The following CHMP4C variants were observed in gnomAD, a reference collection of about 807,000 sequenced individuals.
CHMP4C encodes the protein charged multivesicular body protein 4C, also known as SNF7 homolog associated with Alix 3.
In CHMP4C, 28 loss-of-function variants were observed where a neutral mutation model predicts 29.0. That is an observed-to-expected ratio of 0.97 (90% CI 0.72 to 1.32). The LOEUF (loss-of-function observed/expected upper bound fraction) is 1.32, where lower values mean the gene tolerates loss of function less well. CHMP4C is among the 40% of genes most tolerant of loss of function. CHMP4C has a pLI of 0.00. For missense variants in CHMP4C, 291 were observed against 281.0 expected, an observed-to-expected ratio of 1.04 and a Z score of -0.25; for synonymous variants, 106 against 102.4, an observed-to-expected ratio of 1.04 and a Z score of -0.21.
chr8:81,737,868 C>A (rs940370388), intron 1 of CHMP4C, among the ~76,000 whole-genome samples: 8 of 152,190 alleles, frequency 5.3e-5, no homozygotes, highest in Admixed American at 5.2e-4. Context: ...CAGTTTTTGG[C>A]CAAATTTGGT....
chr8:81,751,014 A>C (rs1429188174), intron 1 of CHMP4C, among the ~76,000 whole-genome samples: 1 of 152,168 alleles, frequency 6.6e-6, no homozygotes, highest in Non-Finnish European at 1.5e-5. Context: ...TTTTATTATC[A>C]AACTTTTTAA....
chr8:81,736,354 T>C (rs1241264074), intron 1 of CHMP4C, among the ~76,000 whole-genome samples: 2 of 150,866 alleles, frequency 1.3e-5, no homozygotes, highest in Non-Finnish European at 2.9e-5. Flanking sequence ...ATAGGTGAGG[T>C]CTCCCTATGT....
At chr8:81,740,285 G>C (rs150891513) in intron 1 of CHMP4C, among the ~76,000 whole-genome samples, 66 of 152,320 alleles carry the variant, frequency 4.3e-4, no homozygotes, top group Middle Eastern at 6.8e-3. Flanking sequence ...GGCTGTTTGG[G>C]GGGTAGGGGG....
chr8:81,740,979 G>A (rs929234692), intron 1 of CHMP4C, among the ~76,000 whole-genome samples: 2 of 152,070 alleles, frequency 1.3e-5, no homozygotes, highest in African/African-American at 4.8e-5. Flanking sequence ...AAATTATTTT[G>A]GTATTTTTCA....
intron 1 of CHMP4C, among the ~76,000 whole-genome samples, chr8:81,745,447 C>A (rs1808810657): frequency 6.6e-6 from 1 of 152,144 alleles, no homozygotes; most frequent in African/African-American, 2.4e-5. Flanking sequence ...CATTTATCCA[C>A]CCCAAAGGAA....
chr8:81,744,129 T>C (rs1411310469), intron 1 of CHMP4C, among the ~76,000 whole-genome samples: 1 of 152,212 alleles, frequency 6.6e-6, no homozygotes, highest in Non-Finnish European at 1.5e-5. Context: ...TCTAGATTGC[T>C]ATTTACCCTC....
chr8:81,733,216 G>A (rs181002372), intron 1 of CHMP4C, among the ~76,000 whole-genome samples: 13 of 152,000 alleles, frequency 8.6e-5, no homozygotes, highest in African/African-American at 2.9e-4. Context: ...TTTTTATAAT[G>A]TGATGATTTG....
intron 1 of CHMP4C, among the ~76,000 whole-genome samples, chr8:81,749,457 G>T (rs1808869667): frequency 6.6e-6 from 1 of 152,168 alleles, no homozygotes; most frequent in South Asian, 2.1e-4. Context: ...GGGGAAACAG[G>T]TAAATAAGAT....
chr8:81,751,372 A>G (rs1808900995), intron 1 of CHMP4C, among the ~76,000 whole-genome samples: 1 of 151,180 alleles, frequency 6.6e-6, no homozygotes, highest in Non-Finnish European at 1.5e-5. Context: ...ATTGGAAAGT[A>G]TAATAAAAAA....
chr8:81,750,688 G>A (rs2130490921), intron 1 of CHMP4C, among the ~76,000 whole-genome samples: 1 of 152,044 alleles, frequency 6.6e-6, no homozygotes, highest in East Asian at 1.9e-4. Flanking sequence ...AAAACAGAAT[G>A]TTTTCAGGGT....
chr8:81,751,483 A>C (rs1486028727), intron 1 of CHMP4C, among the ~76,000 whole-genome samples: 4 of 152,140 alleles, frequency 2.6e-5, no homozygotes, highest in Non-Finnish European at 5.9e-5. Flanking sequence ...ACAATAAATT[A>C]TAGATACTGA....
At chr8:81,745,369 T>C (rs1808809381) in intron 1 of CHMP4C, among the ~76,000 whole-genome samples, 1 of 152,212 alleles carries the variant, frequency 6.6e-6, no homozygotes, top group Non-Finnish European at 1.5e-5. Context: ...GGTTTGTCTG[T>C]GTTCACTGGA....
At chr8:81,752,976 G>T in intron 1 of CHMP4C, 88 bp from the exon 2 acceptor site, 2 of 1,119,126 alleles carry the variant, frequency 1.8e-6, no homozygotes, top group South Asian at 1.8e-5. Flanking sequence ...TTATCAGAAG[G>T]TCTAAGTCCA....
Position 81,755,408 on chromosome 8 carries a change from CAG to C in CHMP4C, c.410_411del (p.Glu137AlafsTer20), listed in dbSNP as rs748814193. 1 of 1,611,574 alleles carries C rather than the reference CAG, an allele frequency of 6.2e-7. No individual in the cohort carries two copies. The highest frequency in any genetic ancestry group is 1.1e-5 in the South Asian group (1 of 90,864). ...ATAGATGATTTGATGCAAGAGATCA[CAG>C]AGCAACAGGATATCGCCCAAGAAAT... On this transcript the variant is annotated frameshift_variant, in exon 3 of 5. Transcript: ENST00000297265. LOFTEE classifies it high-confidence loss of function.
chr8:81,744,086 A>G (rs1338377609), intron 1 of CHMP4C, among the ~76,000 whole-genome samples: 3 of 152,200 alleles, frequency 2.0e-5, no homozygotes, highest in Non-Finnish European at 4.4e-5. Context: ...GCATTATATA[A>G]TCCTATATAT....
intron 1 of CHMP4C, among the ~76,000 whole-genome samples, chr8:81,745,785 C>A (rs1482035160): frequency 6.6e-6 from 1 of 152,114 alleles, no homozygotes; most frequent in African/African-American, 2.4e-5. Flanking sequence ...TGTTTCTCTA[C>A]CACAAAGGAA....
Position 81,732,860 on chromosome 8 carries a change from A to G in CHMP4C, c.190+44A>G, listed in dbSNP as rs1808637046. On this transcript the variant is annotated intron_variant, in intron 1 of 4. Coordinates refer to ENST00000297265, the MANE Select transcript of CHMP4C (RefSeq NM_152284.4). ...CACAGGCGGGAGCCCATCTGCCTCT[A>G]GCCTTTCCCTTGGGGACAATCGGCC... 6 of 1,564,928 alleles carry G rather than the reference A, an allele frequency of 3.8e-6. No homozygotes were observed. In the East Asian group the frequency reaches 9.1e-5, roughly 24 times the overall value.
intron 1 of CHMP4C, among the ~76,000 whole-genome samples, chr8:81,737,679 C>A (rs1331387151): frequency 6.6e-6 from 1 of 152,168 alleles, no homozygotes; most frequent in Non-Finnish European, 1.5e-5. Flanking sequence ...CTCAATGACC[C>A]TAGACTAATA....
chr8:81,758,105 C>T (rs200848509), intron 3 of CHMP4C, 37 bp from the exon 4 acceptor site: 36 of 1,602,082 alleles, frequency 2.2e-5, no homozygotes, highest in African/African-American at 6.7e-5. Context: ...TGTCTTGAAA[C>T]GTTAACTCCA....
Sources: allele counts gnomAD v4.1 joint callset (sites outside exome capture counted in the v4.1 genomes callset), GRCh38; gene constraint gnomAD v4.1.1; transcripts MANE v1.5; gene names NCBI Gene and HGNC (gene_info 2026-07-23, HGNC 2026-07-21).